Variants in TCL1A observed in about 807,000 individuals in gnomAD.
TCL1A encodes TCL1 family AKT coactivator A, also known as T-cell leukemia/lymphoma protein 1A.
TCL1A carries 9 observed loss-of-function variants against 16.9 expected under a neutral mutation model. That is an observed-to-expected ratio of 0.53 (90% CI 0.32 to 0.93). The LOEUF is 0.93. Among genes scored for constraint, TCL1A ranks in the 40% least tolerant of loss-of-function variants. The pLI is 0.04. For missense variants in TCL1A, 139 were observed against 153.0 expected (o/e 0.91, Z 0.48); for synonymous variants, 69 against 63.2 (o/e 1.09, Z -0.44).
At chr14:95,713,592 C>T (rs552773977) in intron 1 of TCL1A, among the ~76,000 whole-genome samples, 1 of 152,180 alleles carries the variant, frequency 6.6e-6, no homozygotes, top group African/African-American at 2.4e-5. Context: ...TTTCTGGGAC[C>T]CACCTGAGAT....
chr14:95,713,405 T>C (rs2139722607), intron 1 of TCL1A, among the ~76,000 whole-genome samples: 1 of 152,342 alleles, frequency 6.6e-6, no homozygotes, highest in Middle Eastern at 3.4e-3. Flanking sequence ...TCTTAAGGCA[T>C]CACACATTAA....
chr14:95,711,651 C>A, intron 3 of TCL1A, 98 bp downstream of exon 3: 2 of 1,390,298 alleles, frequency 1.4e-6, no homozygotes, highest in Admixed American at 4.0e-5. Flanking sequence ...TGGCAGCAGT[C>A]GGGGAGGGGT....
chr14:95,711,683 G>T, intron 3 of TCL1A, 66 bp downstream of exon 3: 1 of 1,570,354 alleles, frequency 6.4e-7, no homozygotes. Context: ...TCATGGAGAA[G>T]GGGTGGTCTT....
At chr14:95,712,632 C>A in intron 1 of TCL1A, 1 of 1,475,344 alleles carries the variant, frequency 6.8e-7, no homozygotes, top group South Asian at 1.2e-5. Context: ...GCCACCCAGA[C>A]AGGGCCATGA....
chr14:95,711,113 G>GT (rs1886335452), intron 3 of TCL1A, among the ~76,000 whole-genome samples: 1 of 152,006 alleles, frequency 6.6e-6, no homozygotes, highest in African/African-American at 2.4e-5. Context: ...ACTCAATAGC[G>GT]TATCTAATAT....
In TCL1A at chr14:95,712,500, G is replaced by T. The variant is rs1886385351; in HGVS notation, c.121-104C>A. The T allele has an allele frequency of 2.6e-6, 4 of 1,516,418 alleles. No individual in the cohort carries two copies. In the East Asian group the frequency reaches 9.1e-5, roughly 34 times the overall value. The allele number at this position is 1,516,418 out of a possible 1,614,324, so 93.9% of individuals were successfully genotyped here. A position where few individuals can be genotyped will look rare whatever the true frequency, so the allele number is the denominator to read the frequency against. On this transcript the variant is annotated intron_variant, in intron 1 of 3. Coordinates refer to ENST00000402399, the MANE Select transcript of TCL1A (RefSeq NM_021966.3). ...CTCCTGCCAGCCATCCACCCATCTGGGCAGGGGTCCGAGTGTGAAATGATG... is the reference window on the plus strand; with the variant it reads ...CTCCTGCCAGCCATCCACCCATCTGTGCAGGGGTCCGAGTGTGAAATGATG...
At chr14:95,713,496 T>C (rs1886438832) in intron 1 of TCL1A, among the ~76,000 whole-genome samples, 6 of 152,256 alleles carry the variant, frequency 3.9e-5, no homozygotes, top group South Asian at 2.1e-4. Context: ...AGCCCAGAGG[T>C]AGTGGAAAAT....
intron 1 of TCL1A, 152 bp downstream of exon 1, chr14:95,713,795 A>T: frequency 8.0e-7 from 1 of 1,245,892 alleles, no homozygotes; most frequent in Non-Finnish European, 1.1e-6. Context: ...ACTCCTATTC[A>T]TCCTCCAGAG....
chr14:95,711,380 A>G (rs1037373801), intron 3 of TCL1A: 2 of 162,574 alleles, frequency 1.2e-5, no homozygotes, highest in Non-Finnish European at 2.7e-5. Context: ...GAGGCAGGAG[A>G]ATGGTGTGAA....
chr14:95,713,578 C>G (rs567366276), intron 1 of TCL1A, among the ~76,000 whole-genome samples: 1 of 152,230 alleles, frequency 6.6e-6, no homozygotes. Flanking sequence ...TTTAAAAATA[C>G]AGATTTCTGG....
In TCL1A at chr14:95,712,325, G is replaced by C. The variant is rs367961867; in HGVS notation, c.192C>G (p.Pro64=). 6.2e-7 allele frequency: 1 copy of C among 1,614,016 alleles called. No individual in the cohort carries two copies. The highest frequency in any genetic ancestry group is 1.3e-5 in the African/African-American group (1 of 74,918). The change falls in exon 2 of 4, where the codon CCC becomes CCG. Residue 64 remains proline, a synonymous_variant. Transcript: ENST00000402399. ...GCAGCAGGCTTGGGCCTATCTGGGT[G>C]GGGGTCATAGGCCTCCCCAGGACGA... is the stretch of plus-strand genomic sequence containing the variant. ...EDVVLGRPMT[P]TQIGPSLLPI... is the part of the protein sequence containing the mutation.
At chr14:95,713,439 C>T (rs184225200) in intron 1 of TCL1A, among the ~76,000 whole-genome samples, 19 of 152,220 alleles carry the variant, frequency 1.2e-4, no homozygotes, top group African/African-American at 3.9e-4. Context: ...GATTCAATAC[C>T]GGCGCTTATA....
At position 95,712,974 on chromosome 14, in the gene TCL1A, AAG is replaced by A. The variant is rs565098676; in HGVS notation, c.121-580_121-579del. 6.4e-3 allele frequency among the ~76,000 whole-genome samples: 969 copies of A among 152,348 alleles called. 12 individuals are homozygous for A. Among genetic ancestry groups the A allele is most frequent in the Non-Finnish European group, 9.7e-3 (657 of 68,026 alleles). On this transcript the variant is annotated intron_variant, in intron 1 of 3. Coordinates refer to ENST00000402399, the MANE Select transcript of TCL1A (RefSeq NM_021966.3). Reference sequence around the variant, plus strand: ...AAGAGATTTCTCAGAGATTTAAAAAAAGAAATCCACTGAATCTTCAAATTATT... The same window carrying A: ...AAGAGATTTCTCAGAGATTTAAAAAAAAATCCACTGAATCTTCAAATTATT...
chr14:95,711,067 A>G (rs1464423697), intron 3 of TCL1A, among the ~76,000 whole-genome samples, 186 bp from the exon 4 acceptor site: 2 of 152,068 alleles, frequency 1.3e-5, no homozygotes, highest in Non-Finnish European at 2.9e-5. Flanking sequence ...CTATACTTCA[A>G]CTCATTTCTG....
At chr14:95,712,596 G>A (rs2139721228) in intron 1 of TCL1A, 200 bp from the exon 2 acceptor site, 1 of 1,486,242 alleles carries the variant, frequency 6.7e-7, no homozygotes, top group Admixed American at 2.1e-5. Flanking sequence ...GGCTGGGCCA[G>A]GACCACCAGC....
chr14:95,712,105 C>A, intron 2 of TCL1A, 115 bp downstream of exon 2: 3 of 1,308,248 alleles, frequency 2.3e-6, no homozygotes, highest in Non-Finnish European at 3.3e-6. Context: ...GTACATTTCC[C>A]CCATTTTTTA....
chr14:95,714,078 G>A lies in TCL1A; in HGVS notation c.-12C>T. ...GGGCACTCGGCCATGGCGTCCTCGG[G>A]CCGCCTAAGAAGCAAGAGCCAGAGC... On this transcript the variant is annotated 5_prime_UTR_variant, in exon 1 of 4. Transcript: ENST00000402399. The A allele has an allele frequency of 6.2e-7, 1 of 1,612,996 alleles. No homozygotes were observed. Among genetic ancestry groups the A allele is most frequent in the South Asian group, 1.1e-5 (1 of 91,056 alleles).
At chr14:95,712,468 G>A (rs563901610) in intron 1 of TCL1A, 72 bp from the exon 2 acceptor site, 42 of 1,537,140 alleles carry the variant, frequency 2.7e-5, no homozygotes, top group Admixed American at 1.2e-4. Flanking sequence ...GCAGAAAACC[G>A]GAATCCCTCC....
At chr14:95,711,870 C>T in intron 2 of TCL1A, 68 bp from the exon 3 acceptor site, 1 of 1,577,108 alleles carries the variant, frequency 6.3e-7, no homozygotes, top group Non-Finnish European at 8.6e-7. Flanking sequence ...TTCCTCACTC[C>T]TGCGCCTTCC....
Sources: allele counts gnomAD v4.1 joint callset (sites outside exome capture counted in the v4.1 genomes callset), GRCh38; gene constraint gnomAD v4.1.1; transcripts MANE v1.5; gene names NCBI Gene and HGNC (gene_info 2026-07-23, HGNC 2026-07-21).